The following ZFHX4 variants were observed in gnomAD, a reference collection of about 807,000 sequenced individuals.
ZFHX4 encodes the protein zinc finger homeobox protein 4.
ZFHX4 carries 56 observed loss-of-function variants against 267.6 expected under a neutral mutation model. The ratio of observed to expected loss-of-function variants is 0.21; its 90% CI spans 0.17 to 0.26. The LOEUF (loss-of-function observed/expected upper bound fraction) is 0.26, where lower values mean the gene tolerates loss of function less well. Ranked by LOEUF, ZFHX4 falls within the 10% of genes least tolerant of loss-of-function variation. The probability of loss-of-function intolerance (pLI) is 1.00; values close to 1 mark genes in which losing one functional copy is unlikely to be tolerated. For synonymous variants in ZFHX4, 1,778 were observed against 1,665.6 expected (o/e 1.07, Z -1.64); for missense variants, 4,332 against 4,420.0 (o/e 0.98, Z 0.56).
At chr8:76,849,377 CA>C in intron 7 of ZFHX4, 134 bp from the exon 8 acceptor site, 1 of 893,202 alleles carries the variant, frequency 1.1e-6, no homozygotes. Flanking sequence ...ATGGATATCC[CA>C]TTTACCCTGA....
chr8:76,787,619 G>T (rs967616395), intron 4 of ZFHX4, among the ~76,000 whole-genome samples: 7 of 147,114 alleles, frequency 4.8e-5, no homozygotes, highest in African/African-American at 1.8e-4. Context: ...TGGCTAACAC[G>T]GTGAAACCCC....
At chr8:76,844,452 TG>T (rs1209868068) in intron 6 of ZFHX4, among the ~76,000 whole-genome samples, 9 of 152,090 alleles carry the variant, frequency 5.9e-5, no homozygotes, top group Admixed American at 1.3e-4. Context: ...GGATGGATTC[TG>T]GGAATCTCTA....
rs549732385 is a variant in ZFHX4, at chr8:76,786,023, G to T, written c.3325+7584G>T. On this transcript the variant is annotated intron_variant, in intron 4 of 10. Coordinates refer to ENST00000651372, the MANE Select transcript of ZFHX4 (RefSeq NM_024721.5). ...GTAATTCTTGAAACAAACCCGTAAC[G>T]TGGATATTATTTTATTCCTATTTTA... 2.6e-5 allele frequency among the ~76,000 whole-genome samples: 4 copies of T among 152,178 alleles called. No homozygotes were observed. In the East Asian group the frequency reaches 7.7e-4, roughly 29 times the overall value.
At chr8:76,861,830 A>G (rs1346987928) in intron 10 of ZFHX4, among the ~76,000 whole-genome samples, 8 of 152,002 alleles carry the variant, frequency 5.3e-5, no homozygotes. Flanking sequence ...AATATTAACA[A>G]GATGGCTCTA....
chr8:76,741,894 G>A (rs1405571591), intron 3 of ZFHX4, among the ~76,000 whole-genome samples: 1 of 152,172 alleles, frequency 6.6e-6, no homozygotes, highest in Non-Finnish European at 1.5e-5. Context: ...AAAGACAGGA[G>A]CAGAAAAGTT....
intron 4 of ZFHX4, among the ~76,000 whole-genome samples, chr8:76,788,687 A>C (rs954050363): frequency 6.6e-6 from 1 of 152,206 alleles, no homozygotes; most frequent in Admixed American, 6.5e-5. Flanking sequence ...TCCCAAATCA[A>C]TGCTGTTCAC....
chr8:76,733,220 C>G (rs901291372), intron 3 of ZFHX4: 2 of 152,132 alleles, frequency 1.3e-5, no homozygotes, highest in Non-Finnish European at 2.9e-5. Flanking sequence ...AGATAGAGGA[C>G]CAGTCCATTT....
intron 4 of ZFHX4, among the ~76,000 whole-genome samples, chr8:76,822,783 C>T (rs1046448321): frequency 3.9e-5 from 6 of 152,026 alleles, no homozygotes; most frequent in African/African-American, 1.4e-4. Flanking sequence ...CCTTCAGTGT[C>T]ACTTAATTTC....
intron 5 of ZFHX4, among the ~76,000 whole-genome samples, chr8:76,836,154 A>G (rs1342658539): frequency 1.3e-5 from 2 of 152,214 alleles, no homozygotes; most frequent in Non-Finnish European, 2.9e-5. Context: ...CTCACTTTAG[A>G]TAATATCTCT....
intron 4 of ZFHX4, among the ~76,000 whole-genome samples, chr8:76,800,995 T>C (rs1483167783): frequency 1.3e-5 from 2 of 152,160 alleles, no homozygotes; most frequent in Non-Finnish European, 2.9e-5. Flanking sequence ...CCAGCAATTG[T>C]CATTTTAGAA....
chr8:76,732,054 C>G (rs966419962), intron 3 of ZFHX4, among the ~76,000 whole-genome samples: 2 of 151,928 alleles, frequency 1.3e-5, no homozygotes, highest in African/African-American at 4.8e-5. Context: ...GTTGGCCAGG[C>G]TGGTCTTGAA....
intron 3 of ZFHX4, among the ~76,000 whole-genome samples, chr8:76,775,836 T>G (rs557119551): frequency 6.6e-6 from 1 of 152,078 alleles, no homozygotes; most frequent in Admixed American, 6.5e-5. Context: ...GAGCATGGCC[T>G]GAAAGCTTTA....
intron 1 of ZFHX4, among the ~76,000 whole-genome samples, chr8:76,691,502 A>G (rs1807822779): frequency 6.6e-6 from 1 of 152,066 alleles, no homozygotes; most frequent in African/African-American, 2.4e-5. Context: ...AAGACCAGAC[A>G]TTTTTTGATT....
intron 4 of ZFHX4, among the ~76,000 whole-genome samples, chr8:76,827,087 A>C (rs1811805495): frequency 1.3e-5 from 2 of 152,254 alleles, no homozygotes; most frequent in South Asian, 4.1e-4. Flanking sequence ...CCCATAAGGC[A>C]GTGGTCTCCA....
intron 3 of ZFHX4, among the ~76,000 whole-genome samples, chr8:76,719,329 G>A (rs971266447): frequency 6.6e-6 from 1 of 151,850 alleles, no homozygotes; most frequent in Non-Finnish European, 1.5e-5. Flanking sequence ...ACAATGTAAG[G>A]GTTCTCAGTT....
In ZFHX4 at chr8:76,856,461, A is replaced by G; in HGVS notation, c.9379+161A>G. On this transcript the variant is annotated intron_variant, in intron 10 of 10. Coordinates refer to ENST00000651372, the MANE Select transcript of ZFHX4 (RefSeq NM_024721.5). ...ATTATATTGGCTATAGCTAATTACC[A>G]GGAAGTAGGTCAACCTGAAACACAC... is the stretch of plus-strand genomic sequence containing the variant. 2.2e-5 allele frequency: 19 copies of G among 851,094 alleles called. No homozygotes were observed. The South Asian group carries it at 2.8e-4, about 12-fold the overall frequency. The allele number at this position is 851,094 out of a possible 1,614,324, so 52.7% of individuals were successfully genotyped here. A position where few individuals can be genotyped will look rare whatever the true frequency, so the allele number is the denominator to read the frequency against.
rs1213257162 is a variant in ZFHX4 at position 76,794,630 on chromosome 8, G to A, written c.3325+16191G>A. 2.0e-5 allele frequency among the ~76,000 whole-genome samples: 3 copies of A among 152,120 alleles called. No individual in the cohort carries two copies. In the East Asian group the frequency reaches 5.8e-4, roughly 29 times the overall value. On this transcript the variant is annotated intron_variant, in intron 4 of 10. Transcript: ENST00000651372. ...GAAAATGTGTTCTATACAGGAGACTGTAATAGTTTTCTCTCTTTAGCCTCA... is the reference window on the plus strand; with the variant it reads ...GAAAATGTGTTCTATACAGGAGACTATAATAGTTTTCTCTCTTTAGCCTCA...
At position 76,704,175 on chromosome 8, in the gene ZFHX4, T is replaced by C. The variant is rs774831381; in HGVS notation, c.87T>C (p.Asn29=). ...TATGTGGAACGACACAACTTGATAATGAGGTGCCAGAGAAAGTTGCAGGGA... is the reference window on the plus strand; with the variant it reads ...TATGTGGAACGACACAACTTGATAACGAGGTGCCAGAGAAAGTTGCAGGGA... ...SKLCGTTQLD[N]EVPEKVAGME... is the part of the protein sequence containing the mutation. The change falls in exon 2 of 11, where the codon AAT becomes AAC. Residue 29 remains asparagine (N), a synonymous_variant. Transcript: ENST00000651372. The C allele has an allele frequency of 1.2e-6, 2 of 1,613,882 alleles. No individual in the cohort carries two copies. The highest frequency in any genetic ancestry group is 1.1e-5 in the South Asian group (1 of 91,076).
Position 76,778,264 on chromosome 8 carries a change from C to A in ZFHX4, c.3150C>A (p.Ala1050=). 1 of 1,613,738 alleles carries A rather than the reference C, an allele frequency of 6.2e-7. No homozygotes were observed. Among genetic ancestry groups the A allele is most frequent in the Non-Finnish European group, 8.5e-7 (1 of 1,179,762 alleles). ...CCGAATCCTGCTATTACTACTGTGCCGTGTGTGATTACACCACCAAGGTCA... is the reference window on the plus strand; with the variant it reads ...CCGAATCCTGCTATTACTACTGTGCAGTGTGTGATTACACCACCAAGGTCA... ...VNPESCYYYC[A]VCDYTTKVKL... The change falls in exon 4 of 11, where the codon GCC becomes GCA. Residue 1050 remains alanine (A), a synonymous_variant. Transcript: ENST00000651372.
Sources: gnomAD v4.1 joint callset for allele counts (sites outside exome capture counted in the v4.1 genomes callset) on GRCh38, gnomAD v4.1.1 for gene constraint, MANE v1.5 for transcripts, NCBI Gene and HGNC (gene_info 2026-07-23, HGNC 2026-07-21) for gene names.